Variants in CDH1 observed in about 807,000 individuals in gnomAD.
CDH1 encodes cadherin-1.
Under a neutral mutation model 84.5 loss-of-function variants are expected in CDH1, and 35 were observed. The ratio of observed to expected loss-of-function variants is 0.41; its 90% CI spans 0.32 to 0.55. The LOEUF is 0.55. CDH1 is among the 20% of genes least tolerant of loss of function. The pLI, the probability that CDH1 is intolerant of heterozygous loss-of-function variation, is 0.19. For synonymous variants in CDH1, 417 were observed against 439.0 expected (o/e 0.95, Z 0.63); for missense variants, 994 against 1,126.6 (o/e 0.88, Z 1.68).
At chr16:68,769,716 C>A (rs146213283) in intron 2 of CDH1, among the ~76,000 whole-genome samples, 1 of 151,892 alleles carries the variant, frequency 6.6e-6, no homozygotes, top group Non-Finnish European at 1.5e-5. Flanking sequence ...TCGCCGGAGT[C>A]CAGGAGTTCA....
At chr16:68,772,801 C>T (rs1473808906) in intron 2 of CDH1, among the ~76,000 whole-genome samples, 1 of 151,988 alleles carries the variant, frequency 6.6e-6, no homozygotes, top group Non-Finnish European at 1.5e-5. Context: ...AAAAAATTAC[C>T]TGGGGGTCCC....
chr16:68,822,170 A>T lies in CDH1; in HGVS notation c.1881A>T (p.Thr627=), dbSNP rs1060504176. The T allele has an allele frequency of 6.2e-7, 1 of 1,614,032 alleles. No individual in the cohort carries two copies. The highest frequency in any genetic ancestry group is 1.7e-5 in the Admixed American group (1 of 59,984). The change falls in exon 12 of 16, where the codon ACA becomes ACT. Residue 627 remains threonine (T), a synonymous_variant. Coordinates refer to ENST00000261769, the MANE Select transcript of CDH1 (RefSeq NM_004360.5). The part of the protein sequence containing the change: ...ADLPPNTSPF[T]AELTHGASAN... ...TTCCTCCCAATACATCTCCCTTCAC[A>T]GCAGAACTAACACACGGGGCGAGTG...
chr16:68,815,780 A>G, intron 10 of CDH1, 21 bp downstream of exon 10: 2 of 1,613,974 alleles, frequency 1.2e-6, no homozygotes, highest in Non-Finnish European at 1.7e-6. Flanking sequence ...GGATTTTTCA[A>G]CTGACTTGCA....
intron 14 of CDH1, among the ~76,000 whole-genome samples, 193 bp from the exon 15 acceptor site, chr16:68,829,461 G>T (rs937977452): frequency 2.6e-5 from 4 of 152,076 alleles, no homozygotes; most frequent in African/African-American, 9.7e-5. Flanking sequence ...ACAATCCTTT[G>T]GGCCATGTTT....
At chr16:68,765,957 C>T (rs918211525) in intron 2 of CDH1, among the ~76,000 whole-genome samples, 1 of 152,064 alleles carries the variant, frequency 6.6e-6, no homozygotes, top group Non-Finnish European at 1.5e-5. Flanking sequence ...TTTCACATCA[C>T]CCCTACTATA....
rs937169821 is a variant in CDH1 at position 68,760,083 on chromosome 16, T to C, written c.163+21672T>C. 4.7e-5 allele frequency among the ~76,000 whole-genome samples: 5 copies of C among 106,540 alleles called. No homozygotes were observed. In the East Asian group the frequency reaches 7.7e-4, roughly 16 times the overall value. 69.9% of individuals were successfully genotyped at this position (106,540 alleles called of 152,430 possible). A position where few individuals can be genotyped will look rare whatever the true frequency, so the allele number is the denominator to read the frequency against. On this transcript the variant is annotated intron_variant, in intron 2 of 15. Coordinates refer to ENST00000261769, the MANE Select transcript of CDH1 (RefSeq NM_004360.5). ...TGTCTTGTAAAGTATTCCATATATA[T>C]ATATTTTTTTTTTTTTTTTAATTTT... is the stretch of plus-strand genomic sequence containing the variant.
intron 1 of CDH1, 54 bp from the exon 2 acceptor site, chr16:68,738,243 G>C: frequency 8.3e-7 from 1 of 1,200,102 alleles, no homozygotes; most frequent in Non-Finnish European, 1.2e-6. Context: ...GTTTCGGTGA[G>C]CAGGAGGGAA....
intron 2 of CDH1, among the ~76,000 whole-genome samples, chr16:68,740,032 A>T (rs2152115007): frequency 6.6e-6 from 1 of 152,308 alleles, no homozygotes; most frequent in South Asian, 2.1e-4. Context: ...GCTTTGTTCC[A>T]CTTGACTGTT....
chr16:68,773,527 G>A (rs573299229), intron 2 of CDH1, among the ~76,000 whole-genome samples: 2 of 152,308 alleles, frequency 1.3e-5, no homozygotes, highest in South Asian at 4.1e-4. Flanking sequence ...TCGAACTCCT[G>A]ACCTCAGGTG....
intron 2 of CDH1, chr16:68,742,481 A>G: frequency 6.2e-6 from 1 of 161,732 alleles, no homozygotes; most frequent in Non-Finnish European, 1.3e-5. Context: ...GGTTTCGACT[A>G]CGGCCATACC....
In CDH1 at chr16:68,810,192, T is replaced by G; in HGVS notation, c.688-5T>G. The G allele has an allele frequency of 6.2e-7, 1 of 1,614,156 alleles. No individual in the cohort carries two copies. The highest frequency in any genetic ancestry group is 8.5e-7 in the Non-Finnish European group (1 of 1,180,006). ...GCTCAAGTCACCCTCACTTGGTTCT[T>G]TCAGCTCTTCTCTCACGCTGTGTCA... On this transcript the variant is annotated splice_polypyrimidine_tract_variant and splice_region_variant and intron_variant, in intron 5 of 15. Transcript: ENST00000261769.
At chr16:68,752,274 A>G (rs1389144261) in intron 2 of CDH1, among the ~76,000 whole-genome samples, 2 of 152,156 alleles carry the variant, frequency 1.3e-5, no homozygotes. Context: ...TTATGATAGT[A>G]AACCCTGCCC....
At chr16:68,790,867 G>A (rs1960188221) in intron 2 of CDH1, among the ~76,000 whole-genome samples, 2 of 152,262 alleles carry the variant, frequency 1.3e-5, no homozygotes, top group South Asian at 4.2e-4. Context: ...AGATGAAACT[G>A]AGTGAGGCTG....
intron 1 of CDH1, 66 bp downstream of exon 1, chr16:68,737,529 G>GCCCTGCA: frequency 1.5e-6 from 2 of 1,344,098 alleles, no homozygotes; most frequent in African/African-American, 1.5e-5. Flanking sequence ...CCAGCCCTGC[G>GCCCTGCA]CCCCTTCCTC....
In CDH1 at chr16:68,801,598, G is replaced by A. The variant is rs1282940081; in HGVS notation, c.164-72G>A. Reference sequence around the variant, plus strand: ...TTTGTGGGAGTCTTCCCACAAGTTCGCTCTTTGGAGAAGGAATGCTCTTGT... The same window carrying A: ...TTTGTGGGAGTCTTCCCACAAGTTCACTCTTTGGAGAAGGAATGCTCTTGT... On this transcript the variant is annotated intron_variant, in intron 2 of 15. Coordinates refer to ENST00000261769, the MANE Select transcript of CDH1 (RefSeq NM_004360.5). 34 of 1,282,584 alleles carry A rather than the reference G, an allele frequency of 2.7e-5. 1 individual carries two copies. In the Admixed American group the frequency reaches 3.9e-4, roughly 15 times the overall value. 79.5% of individuals were successfully genotyped at this position (1,282,584 alleles called of 1,614,324 possible). A position where few individuals can be genotyped will look rare whatever the true frequency, so the allele number is the denominator to read the frequency against.
chr16:68,805,685 C>T (rs1037187788), intron 3 of CDH1, among the ~76,000 whole-genome samples: 2 of 152,222 alleles, frequency 1.3e-5, no homozygotes, highest in African/African-American at 4.8e-5. Flanking sequence ...ACCTCCACCT[C>T]CTGGGTTCAA....
At chr16:68,829,010 G>GT (rs1368193180) in intron 14 of CDH1, among the ~76,000 whole-genome samples, 2 of 152,148 alleles carry the variant, frequency 1.3e-5, no homozygotes, top group Non-Finnish European at 2.9e-5. Flanking sequence ...CACGTATATT[G>GT]TATCAGTGAG....
At chr16:68,821,445 G>A (rs879385930) in intron 11 of CDH1, among the ~76,000 whole-genome samples, 5 of 150,738 alleles carry the variant, frequency 3.3e-5, no homozygotes, top group Admixed American at 6.6e-5. Context: ...ATTCCCGCCT[G>A]GGTGACAGAG....
In CDH1 at chr16:68,834,492, T is replaced by C. The variant is rs1596977957; in HGVS notation, c.*993T>C. On this transcript the variant is annotated 3_prime_UTR_variant, in exon 16 of 16. Transcript: ENST00000261769. ...TTGGCCCCCCAAAGTGCTGGGATTG[T>C]GGGCATGAGCTGCTGTGCCCAGCCT... The C allele has an allele frequency of 3.3e-6, 1 of 299,180 alleles. No homozygotes were observed. The highest frequency in any genetic ancestry group is 4.8e-5 in the South Asian group (1 of 20,986). The allele number at this position is 299,180 out of a possible 1,614,324, so 18.5% of individuals were successfully genotyped here. A position where few individuals can be genotyped will look rare whatever the true frequency, so the allele number is the denominator to read the frequency against.
Sources: gnomAD v4.1 joint callset for allele counts (sites outside exome capture counted in the v4.1 genomes callset) on GRCh38, gnomAD v4.1.1 for gene constraint, MANE v1.5 for transcripts, NCBI Gene and HGNC (gene_info 2026-07-23, HGNC 2026-07-21) for gene names.